Variants in KIF27 observed in about 807,000 individuals in gnomAD.
The protein encoded by KIF27 is kinesin family member 27.
KIF27 carries 84 observed loss-of-function variants against 141.8 expected under a neutral mutation model. The observed-to-expected ratio is 0.59, with a 90% CI of 0.50 to 0.71. The LOEUF is 0.71. Ranked by LOEUF, KIF27 falls within the 30% of genes least tolerant of loss-of-function variation. KIF27 has a pLI of 0.00. For synonymous variants in KIF27, 471 were observed against 569.5 expected (o/e 0.83, Z 2.46); for missense variants, 1,306 against 1,628.4 (o/e 0.80, Z 3.41).
At chr9:83,901,345 G>A (rs1953868322) in intron 4 of KIF27, among the ~76,000 whole-genome samples, 1 of 152,176 alleles carries the variant, frequency 6.6e-6, no homozygotes, top group Non-Finnish European at 1.5e-5. Context: ...ATTTCTGCTT[G>A]TTGAGTTTGG....
Position 83,848,254 on chromosome 9 carries a change from GAT to G in KIF27, c.3556+1843_3556+1844del, listed in dbSNP as rs1443103049. Among the ~76,000 whole-genome samples, 6 of 86,286 alleles carry G rather than the reference GAT, an allele frequency of 7.0e-5. 2 individuals are homozygous for G. In the South Asian group the frequency reaches 9.3e-4, roughly 13 times the overall value. The allele number at this position is 86,286 out of a possible 152,430, so 56.6% of individuals were successfully genotyped here. On this transcript the variant is annotated intron_variant, in intron 16 of 17. Transcript: ENST00000297814. ...ATGATATATATGATATATCAGATAT[GAT>G]ATATATGATATATCAGATATGATAT...
Position 83,867,764 on chromosome 9 carries a change from G to A in KIF27, c.2854C>T (p.Arg952Trp), listed in dbSNP as rs150370161. The A allele has an allele frequency of 2.5e-5, 40 of 1,613,116 alleles. No homozygotes were observed. Among genetic ancestry groups the A allele is most frequent in the East Asian group, 1.3e-4 (6 of 44,830 alleles). ...TCCTTCTTAGAAACTATGGCCTCCC[G>A]TTTCTTTAAGTCTGCTTCCAGCTCC... is the stretch of plus-strand genomic sequence containing the variant. ...LEELEADLKK[R>W]EAIVSKKEAL... Residue 952 changes from arginine to tryptophan, a missense_variant, in exon 13 of 18, where the codon CGG becomes TGG. Transcript: ENST00000297814.
At chr9:83,848,137 A>ATCTGATATATCTGATACATCATATATC (rs201326603) in intron 16 of KIF27, among the ~76,000 whole-genome samples, 1 of 41,408 alleles carries the variant, frequency 2.4e-5, no homozygotes, top group African/African-American at 3.2e-4. Context: ...TATCTCATAT[A>ATCTGATATATCTGATACATCATATATC]TGATATATCT....
At chr9:83,920,648 G>C (rs1456884591) in intron 1 of KIF27, among the ~76,000 whole-genome samples, 1 of 152,140 alleles carries the variant, frequency 6.6e-6, no homozygotes, top group East Asian at 1.9e-4. Context: ...GGCCCCAAAT[G>C]CGTAAAGACG....
Position 83,903,183 on chromosome 9 carries a change from C to T in KIF27, c.1335G>A (p.Met445Ile). Residue 445 changes from methionine to isoleucine, a missense_variant, in exon 4 of 18, where the codon ATG becomes ATA. Physicochemically the swap from Met to Ile is conservative, Grantham distance 10 (BLOSUM62 1). Coordinates refer to ENST00000297814, the MANE Select transcript of KIF27 (RefSeq NM_017576.4). ...QQHKLQEWFN[M>I]IQEVRKAVLT... ...GGACAGCCTTCCTGACCTCTTGGAT[C>T]ATGTTAAACCACTCCTGCAGTTTGT... 1 of 1,614,166 alleles carries T rather than the reference C, an allele frequency of 6.2e-7. No homozygotes were observed.
At chr9:83,909,421 GA>G (rs1204865093) in intron 2 of KIF27, among the ~76,000 whole-genome samples, 1 of 152,040 alleles carries the variant, frequency 6.6e-6, no homozygotes, top group African/African-American at 2.4e-5. Flanking sequence ...ACCAGCTTGG[GA>G]AACATGGTGA....
chr9:83,901,582 T>G (rs780773168), intron 4 of KIF27, among the ~76,000 whole-genome samples: 14 of 152,156 alleles, frequency 9.2e-5, no homozygotes, highest in Non-Finnish European at 1.3e-4. Flanking sequence ...ACTAAAATTT[T>G]TTTGTGTGTT....
chr9:83,885,937 GT>G (rs993869245), intron 9 of KIF27, among the ~76,000 whole-genome samples: 1 of 137,752 alleles, frequency 7.3e-6, no homozygotes, highest in Admixed American at 7.0e-5. Context: ...AGGGCATTAA[GT>G]TTTTTGTGTT....
At chr9:83,898,391 CA>C (rs1236337838) in intron 5 of KIF27, among the ~76,000 whole-genome samples, 1 of 152,084 alleles carries the variant, frequency 6.6e-6, no homozygotes, top group East Asian at 1.9e-4. Context: ...ATAAAAATTC[CA>C]AAAACTAAAC....
chr9:83,882,156 A>G (rs1259489280), intron 10 of KIF27, among the ~76,000 whole-genome samples: 2 of 148,286 alleles, frequency 1.3e-5, no homozygotes, highest in African/African-American at 5.0e-5. Flanking sequence ...TGAGGTCAGG[A>G]GTTTGAGACC....
At position 83,915,618 on chromosome 9, in the gene KIF27, T is replaced by G; in HGVS notation, c.-27A>C. The G allele has an allele frequency of 1.3e-6, 2 of 1,537,792 alleles. No individual in the cohort carries two copies. Among genetic ancestry groups the G allele is most frequent in the Non-Finnish European group, 1.8e-6 (2 of 1,136,982 alleles). ...GCAACTTAGATTTTACTAAATAGAT[T>G]TTCTATTTAATGTTCAGTATCTAGT... On this transcript the variant is annotated 5_prime_UTR_variant, in exon 2 of 18. Transcript: ENST00000297814.
chr9:83,894,976 T>A (rs1953042206), intron 5 of KIF27, among the ~76,000 whole-genome samples: 1 of 151,872 alleles, frequency 6.6e-6, no homozygotes, highest in South Asian at 2.1e-4. Context: ...CCGGGCACTG[T>A]GGCTCACACC....
chr9:83,857,141 G>A (rs935218801), intron 14 of KIF27, among the ~76,000 whole-genome samples: 1 of 150,286 alleles, frequency 6.7e-6, no homozygotes, highest in South Asian at 2.1e-4. Context: ...TCTTCTATTA[G>A]TGTAACGATC....
intron 17 of KIF27, among the ~76,000 whole-genome samples, chr9:83,839,877 AG>A (rs1946362687): frequency 6.6e-6 from 1 of 152,202 alleles, no homozygotes; most frequent in Non-Finnish European, 1.5e-5. Flanking sequence ...TGGGAGGTGG[AG>A]GCTGCAGTGA....
chr9:83,917,070 T>C (rs1955774369), intron 1 of KIF27, among the ~76,000 whole-genome samples: 1 of 152,062 alleles, frequency 6.6e-6, no homozygotes, highest in South Asian at 2.1e-4. Context: ...GCCATGTTGG[T>C]GTGCTGCACC....
chr9:83,859,817 G>A (rs531819629), intron 13 of KIF27: 7 of 137,896 alleles, frequency 5.1e-5, no homozygotes, highest in African/African-American at 1.8e-4. Context: ...ACAGACGTGA[G>A]ACACTGCACC....
At chr9:83,892,851 AATTCT>A (rs1256839369) in intron 5 of KIF27, among the ~76,000 whole-genome samples, 1 of 152,224 alleles carries the variant, frequency 6.6e-6, no homozygotes, top group Non-Finnish European at 1.5e-5. Flanking sequence ...ATGGTATAAC[AATTCT>A]ACATTTGTGT....
intron 2 of KIF27, among the ~76,000 whole-genome samples, chr9:83,910,770 C>T (rs1955072379): frequency 6.6e-6 from 1 of 152,162 alleles, no homozygotes; most frequent in South Asian, 2.1e-4. Flanking sequence ...CATGAGTAAA[C>T]ATTTATTTCT....
Position 83,908,699 on chromosome 9 carries a change from C to T in KIF27, c.299-47G>A, listed in dbSNP as rs765037115. On this transcript the variant is annotated intron_variant, in intron 2 of 17. Transcript: ENST00000297814. ...GCACATCTGGAACTTAAAACAAAAG[C>T]AAAGCTACAACCCCAAATTTATAGT... is the stretch of plus-strand genomic sequence containing the variant. 8.4e-6 allele frequency: 10 copies of T among 1,195,128 alleles called. No homozygotes were observed. In the East Asian group the frequency reaches 2.2e-4, roughly 26 times the overall value. The allele number at this position is 1,195,128 out of a possible 1,614,324, so 74.0% of individuals were successfully genotyped here.
Sources: gnomAD v4.1 joint callset for allele counts (sites outside exome capture counted in the v4.1 genomes callset) on GRCh38, gnomAD v4.1.1 for gene constraint, MANE v1.5 for transcripts, NCBI Gene and HGNC (gene_info 2026-07-23, HGNC 2026-07-21) for gene names.